The following TCEANC2 variants were observed in gnomAD, a reference collection of about 807,000 sequenced individuals.
The protein encoded by TCEANC2 is transcription elongation factor A N-terminal and central domain containing 2.
In TCEANC2, 20 loss-of-function variants were observed where a neutral mutation model predicts 22.8. The ratio of observed to expected loss-of-function variants is 0.88; its 90% confidence interval spans 0.62 to 1.28. TCEANC2 has a LOEUF of 1.28. TCEANC2 is among the 50% of genes most tolerant of loss of function. The probability of loss-of-function intolerance (pLI) is 0.00; values close to 1 mark genes in which losing one functional copy is unlikely to be tolerated. For synonymous variants in TCEANC2, 84 were observed against 95.5 expected, an observed-to-expected ratio of 0.88 and a Z score of 0.70; for missense variants, 251 against 249.7, an observed-to-expected ratio of 1.01 and a Z score of -0.03.
intron 2 of TCEANC2, among the ~76,000 whole-genome samples, chr1:54,063,722 T>A (rs966610000): frequency 6.6e-6 from 1 of 152,192 alleles, no homozygotes; most frequent in Non-Finnish European, 1.5e-5. Flanking sequence ...CCCAAACATT[T>A]CTGGCCCCAA....
At chr1:54,060,867 G>A (rs1461252755) in intron 2 of TCEANC2, among the ~76,000 whole-genome samples, 2 of 151,836 alleles carry the variant, frequency 1.3e-5, no homozygotes, top group South Asian at 2.1e-4. Flanking sequence ...AGAATCACTT[G>A]GACCCGGAAG....
Position 54,103,717 on chromosome 1 carries a change from A to G in TCEANC2, c.*7244A>G, listed in dbSNP as rs1480358819. 6.6e-6 allele frequency: 1 copy of G among 152,174 alleles called. No individual in the cohort carries two copies. Among genetic ancestry groups the G allele is most frequent in the Non-Finnish European group, 1.5e-5 (1 of 68,032 alleles). The allele number at this position is 152,174 out of a possible 1,614,324, so 9.4% of individuals were successfully genotyped here. On this transcript the variant is annotated 3_prime_UTR_variant, in exon 5 of 5. Transcript: ENST00000234827. ...AGATATAGCTCCATCCCTTGAGAACAACCAGCAGCCACTTGGGAAGTTGGC... is the reference window on the plus strand; with the variant it reads ...AGATATAGCTCCATCCCTTGAGAACGACCAGCAGCCACTTGGGAAGTTGGC...
At chr1:54,074,854 T>C (rs572349658) in intron 3 of TCEANC2, among the ~76,000 whole-genome samples, 1 of 152,236 alleles carries the variant, frequency 6.6e-6, no homozygotes, top group East Asian at 1.9e-4. Flanking sequence ...TTTCAAGAAG[T>C]TTGGTATTGA....
intron 3 of TCEANC2, among the ~76,000 whole-genome samples, chr1:54,081,098 C>T (rs1476963454): frequency 6.6e-6 from 1 of 152,166 alleles, no homozygotes; most frequent in African/African-American, 2.4e-5. Context: ...TCGCAAGTTA[C>T]CTCGCCTCTC....
chr1:54,094,978 T>A (rs1221882164), intron 4 of TCEANC2, among the ~76,000 whole-genome samples: 5 of 151,416 alleles, frequency 3.3e-5, no homozygotes, highest in Non-Finnish European at 7.4e-5. Flanking sequence ...ATCTCTAAAT[T>A]TTTTTTTAAT....
At chr1:54,054,603 A>G in intron 2 of TCEANC2, 79 bp downstream of exon 2, 1 of 1,396,080 alleles carries the variant, frequency 7.2e-7, no homozygotes, top group Non-Finnish European at 9.6e-7. Flanking sequence ...TTGTGGAAAG[A>G]CCTATGAATT....
chr1:54,059,638 A>G (rs541901087), intron 2 of TCEANC2, among the ~76,000 whole-genome samples: 1 of 152,336 alleles, frequency 6.6e-6, no homozygotes, highest in Non-Finnish European at 1.5e-5. Flanking sequence ...GGAAGCATTT[A>G]CTTTACTGTA....
intron 4 of TCEANC2, among the ~76,000 whole-genome samples, chr1:54,091,010 C>T (rs192172579): frequency 2.5e-4 from 38 of 152,026 alleles, no homozygotes; most frequent in Admixed American, 7.9e-4. Context: ...TGTTATAAAG[C>T]AAAGTTAAAA....
At position 54,097,098 on chromosome 1, in the gene TCEANC2, TC is replaced by T; in HGVS notation, c.*628del. On this transcript the variant is annotated 3_prime_UTR_variant, in exon 5 of 5. Coordinates refer to ENST00000234827, the MANE Select transcript of TCEANC2 (RefSeq NM_153035.3). ...ACTAATGAGGAACTGGCCCGAAGCC[TC>T]CCACACCTCAGGGTTTATTTGAATA... 3.9e-6 allele frequency: 2 copies of T among 506,544 alleles called. No individual in the cohort carries two copies. The highest frequency in any genetic ancestry group is 5.1e-6 in the Non-Finnish European group (2 of 391,930). 31.4% of individuals were successfully genotyped at this position (506,544 alleles called of 1,614,324 possible). A position where few individuals can be genotyped will look rare whatever the true frequency, so the allele number is the denominator to read the frequency against.
chr1:54,107,211 C>T (rs1443686816), downstream of TCEANC2, among the ~76,000 whole-genome samples: 1 of 152,204 alleles, frequency 6.6e-6, no homozygotes, highest in African/African-American at 2.4e-5. Context: ...TTGAGCAGTA[C>T]TGGCCAGGTG....
chr1:54,069,009 C>T (rs1658008772), intron 3 of TCEANC2, 112 bp downstream of exon 3: 2 of 1,186,938 alleles, frequency 1.7e-6, no homozygotes, highest in African/African-American at 1.6e-5. Context: ...ATGCTTTCAA[C>T]TCTCTGGTAA....
At chr1:54,107,446 C>A (rs1443570501), downstream of TCEANC2, among the ~76,000 whole-genome samples, 1 of 152,046 alleles carries the variant, frequency 6.6e-6, no homozygotes, top group East Asian at 1.9e-4. Flanking sequence ...TGTCATTTTT[C>A]CCTTTCCATA....
chr1:54,110,807 T>G (rs895002128), downstream of TCEANC2, among the ~76,000 whole-genome samples: 8 of 152,040 alleles, frequency 5.3e-5, no homozygotes, highest in African/African-American at 1.9e-4. Context: ...TACCCCTTCC[T>G]TGGGGCAGCT....
intron 3 of TCEANC2, among the ~76,000 whole-genome samples, chr1:54,074,858 G>A (rs1658118713): frequency 6.6e-6 from 1 of 152,186 alleles, no homozygotes; most frequent in African/African-American, 2.4e-5. Context: ...AAGAAGTTTG[G>A]TATTGAAAGA....
At chr1:54,076,930 G>C (rs1358569195) in intron 3 of TCEANC2, among the ~76,000 whole-genome samples, 1 of 152,164 alleles carries the variant, frequency 6.6e-6, no homozygotes, top group African/African-American at 2.4e-5. Flanking sequence ...CAAGTTAAGG[G>C]GGATGGGGAA....
intron 4 of TCEANC2, among the ~76,000 whole-genome samples, chr1:54,095,320 C>T (rs1215786495): frequency 1.3e-5 from 2 of 151,920 alleles, no homozygotes; most frequent in African/African-American, 2.4e-5. Flanking sequence ...GAAAGGTGTG[C>T]CTTGCTAAGG....
At chr1:54,058,903 C>T (rs1173525397) in intron 2 of TCEANC2, among the ~76,000 whole-genome samples, 1 of 152,210 alleles carries the variant, frequency 6.6e-6, no homozygotes, top group Non-Finnish European at 1.5e-5. Flanking sequence ...GATCCTCCCG[C>T]CTCGGCCTCC....
At chr1:54,089,349 C>T (rs1168298480) in intron 4 of TCEANC2, among the ~76,000 whole-genome samples, 1 of 152,080 alleles carries the variant, frequency 6.6e-6, no homozygotes, top group Non-Finnish European at 1.5e-5. Context: ...GACTCAGATC[C>T]CCCATTTTTT....
rs144621020 is a variant in TCEANC2 at position 54,073,965 on chromosome 1, T to A, written c.244+5068T>A. The stretch of plus-strand genomic sequence containing the variant: ...TAGGTTTCTGATATGGGCAAGTAGG[T>A]GGATGGCAGTACCACTCATTAAGAT... On this transcript the variant is annotated intron_variant, in intron 3 of 4. Transcript: ENST00000234827. 2.5e-3 allele frequency among the ~76,000 whole-genome samples: 376 copies of A among 152,190 alleles called. 3 individuals are homozygous for A. The highest frequency in any genetic ancestry group is 8.8e-3 in the African/African-American group (367 of 41,526).
Sources: allele counts gnomAD v4.1 joint callset (sites outside exome capture counted in the v4.1 genomes callset), GRCh38; gene constraint gnomAD v4.1.1; transcripts MANE v1.5; gene names NCBI Gene and HGNC (gene_info 2026-07-23, HGNC 2026-07-21).